Variants in SAMSN1 observed in about 807,000 individuals in gnomAD.
The protein encoded by SAMSN1 is SAM domain-containing protein SAMSN-1.
A neutral mutation model predicts 42.0 loss-of-function variants in SAMSN1; 31 were observed. That is an observed-to-expected ratio of 0.74 (90% CI 0.55 to 1.00). The LOEUF is 1.00. Ranked by LOEUF, SAMSN1 falls within the 50% of genes least tolerant of loss-of-function variation. SAMSN1 has a pLI of 0.00. For missense variants in SAMSN1, 464 were observed against 439.4 expected (o/e 1.06, Z -0.50); for synonymous variants, 178 against 151.9 (o/e 1.17, Z -1.26).
intron 3 of SAMSN1, among the ~76,000 whole-genome samples, chr21:14,515,173 G>T (rs946015822): frequency 7.2e-5 from 11 of 152,176 alleles, no homozygotes; most frequent in African/African-American, 2.7e-4. Context: ...ATTGGACCTG[G>T]CAACACAGAG....
At chr21:14,489,682 G>T (rs1005926159) in intron 7 of SAMSN1, among the ~76,000 whole-genome samples, 1 of 152,004 alleles carries the variant, frequency 6.6e-6, no homozygotes, top group Non-Finnish European at 1.5e-5. Context: ...AATAAAAATA[G>T]AATAACATTT....
chr21:14,615,320 G>GAA (rs11401268), intron 3 of SAMSN1, among the ~76,000 whole-genome samples: 3,251 of 150,486 alleles, frequency 0.022, 67 homozygotes, highest in South Asian at 0.073. Context: ...GAATAAAAAA[G>GAA]AAAAAAAAAG....
At chr21:14,601,544 C>A (rs1351410963) in intron 6 of SAMSN1, among the ~76,000 whole-genome samples, 1 of 152,166 alleles carries the variant, frequency 6.6e-6, no homozygotes, top group South Asian at 2.1e-4. Context: ...CATATATCCT[C>A]TCTTGTTACA....
chr21:14,652,191 C>A (rs144691175), intron 1 of SAMSN1, among the ~76,000 whole-genome samples: 2 of 151,930 alleles, frequency 1.3e-5, no homozygotes, highest in Non-Finnish European at 2.9e-5. Context: ...GAAAAAAAAT[C>A]CTAAAATTTA....
intron 5 of SAMSN1, among the ~76,000 whole-genome samples, chr21:14,501,840 T>C (rs998757630): frequency 6.6e-6 from 1 of 152,204 alleles, no homozygotes; most frequent in Admixed American, 6.5e-5. Context: ...ATCATATTAG[T>C]ATGGACAAAC....
intron 2 of SAMSN1, among the ~76,000 whole-genome samples, chr21:14,620,249 G>A (rs915837404): frequency 6.6e-6 from 1 of 152,108 alleles, no homozygotes; most frequent in Non-Finnish European, 1.5e-5. Flanking sequence ...TAATCCCTAG[G>A]TGTTGAGGGA....
At chr21:14,578,955 A>G (rs1270804187) in intron 2 of SAMSN1, among the ~76,000 whole-genome samples, 1 of 152,106 alleles carries the variant, frequency 6.6e-6, no homozygotes, top group Non-Finnish European at 1.5e-5. Context: ...TCAAACCCCA[A>G]CACTGCCTCC....
chr21:14,625,968 A>C (rs911730663), intron 2 of SAMSN1, among the ~76,000 whole-genome samples: 1 of 152,200 alleles, frequency 6.6e-6, no homozygotes, highest in Non-Finnish European at 1.5e-5. Flanking sequence ...CCTCTGAAAT[A>C]ATAACACACA....
intron 7 of SAMSN1, among the ~76,000 whole-genome samples, chr21:14,488,471 T>TA (rs1218201981): frequency 2.6e-5 from 4 of 152,106 alleles, no homozygotes; most frequent in Non-Finnish European, 5.9e-5. Context: ...TCTTTTCCTT[T>TA]AAAAAAATAA....
chr21:14,528,334 T>A (rs1359768057), intron 1 of SAMSN1, among the ~76,000 whole-genome samples: 1 of 152,218 alleles, frequency 6.6e-6, no homozygotes, highest in Non-Finnish European at 1.5e-5. Flanking sequence ...ATGGTACTTC[T>A]TGGTCCTCCT....
intron 6 of SAMSN1, chr21:14,598,171 T>G (rs2123291591): frequency 6.6e-6 from 1 of 152,250 alleles, no homozygotes. Flanking sequence ...TGCTTGACAG[T>G]GCTTAATATC....
At chr21:14,595,782 T>C (rs770990421) in intron 6 of SAMSN1, among the ~76,000 whole-genome samples, 3 of 152,134 alleles carry the variant, frequency 2.0e-5, no homozygotes, top group Non-Finnish European at 2.9e-5. Context: ...ACACAAAATA[T>C]AGCCAAAGAG....
At chr21:14,595,911 CTGCG>C (rs1982246989) in intron 6 of SAMSN1, among the ~76,000 whole-genome samples, 1 of 151,996 alleles carries the variant, frequency 6.6e-6, no homozygotes, top group African/African-American at 2.4e-5. Flanking sequence ...ATTTTCTGGG[CTGCG>C]AAATTCCTTT....
chr21:14,552,684 T>C (rs1218248341), intron 2 of SAMSN1, among the ~76,000 whole-genome samples: 1 of 152,150 alleles, frequency 6.6e-6, no homozygotes, highest in Non-Finnish European at 1.5e-5. Flanking sequence ...GCAGCCCAAA[T>C]GGACTAAGTC....
At position 14,609,624 on chromosome 21, in the gene SAMSN1, G is replaced by C. The variant is rs1982654476; in HGVS notation, c.236-56C>G. On this transcript the variant is annotated intron_variant, in intron 4 of 15. Transcript: ENST00000647101. ...ATTCATAGTAACATTTGTCCAGTAA[G>C]TATAAGACATTTGAAATCAAAACAA... The C allele has an allele frequency of 4.2e-6, 3 of 714,426 alleles. No homozygotes were observed. The East Asian group carries it at 8.1e-5, about 19-fold the overall frequency. 44.3% of individuals were successfully genotyped at this position (714,426 alleles called of 1,614,324 possible).
chr21:14,529,177 A>G (rs1979076824), intron 1 of SAMSN1, among the ~76,000 whole-genome samples: 1 of 152,202 alleles, frequency 6.6e-6, no homozygotes, highest in Admixed American at 6.5e-5. Flanking sequence ...TATTCAAGGA[A>G]TATTGGTCTT....
intron 2 of SAMSN1, among the ~76,000 whole-genome samples, chr21:14,552,805 T>C (rs936825795): frequency 2.6e-5 from 4 of 152,152 alleles, no homozygotes; most frequent in Non-Finnish European, 5.9e-5. Flanking sequence ...GCGTTTATTA[T>C]TCCCTCAATC....
chr21:14,518,831 G>A (rs982632740), intron 2 of SAMSN1, among the ~76,000 whole-genome samples: 1 of 152,010 alleles, frequency 6.6e-6, no homozygotes, highest in African/African-American at 2.4e-5. Context: ...AATTTAATTC[G>A]GAAGCACTTT....
intron 5 of SAMSN1, among the ~76,000 whole-genome samples, chr21:14,602,643 C>T (rs554460807): frequency 6.6e-6 from 1 of 152,174 alleles, no homozygotes; most frequent in Non-Finnish European, 1.5e-5. Flanking sequence ...TTAGCTCCTG[C>T]AAATGGGAGC....
Sources: allele counts gnomAD v4.1 joint callset (sites outside exome capture counted in the v4.1 genomes callset), GRCh38; gene constraint gnomAD v4.1.1; transcripts MANE v1.5; gene names NCBI Gene and HGNC (gene_info 2026-07-23, HGNC 2026-07-21).